Variants in PIGK observed in about 807,000 individuals in gnomAD.
PIGK encodes the protein GPI-anchor transamidase.
PIGK carries 42 observed loss-of-function variants against 50.6 expected under a neutral mutation model. The ratio of observed to expected loss-of-function variants is 0.83; its 90% confidence interval spans 0.65 to 1.07. The LOEUF is 1.07. Among genes scored for constraint, PIGK ranks in the 50% least tolerant of loss-of-function variants. The probability of loss-of-function intolerance (pLI) is 0.00; values close to 1 mark genes in which losing one functional copy is unlikely to be tolerated. For synonymous variants in PIGK, 151 were observed against 156.0 expected (o/e 0.97, Z 0.24); for missense variants, 448 against 488.7 (o/e 0.92, Z 0.78).
intron 3 of PIGK, among the ~76,000 whole-genome samples, chr1:77,170,362 C>T (rs1655332457): frequency 6.6e-6 from 1 of 152,184 alleles, no homozygotes; most frequent in African/African-American, 2.4e-5. Flanking sequence ...TAGAATATGC[C>T]AAGCCTTTCC....
Position 77,092,090 on chromosome 1 carries a change from TA to T in PIGK, c.*283del, listed in dbSNP as rs1191553028. 1 of 175,646 alleles carries T rather than the reference TA, an allele frequency of 5.7e-6. No homozygotes were observed. The highest frequency in any genetic ancestry group is 1.2e-5 in the Non-Finnish European group (1 of 84,318). The allele number at this position is 175,646 out of a possible 1,614,324, so 10.9% of individuals were successfully genotyped here. A position where few individuals can be genotyped will look rare whatever the true frequency, so the allele number is the denominator to read the frequency against. ...GTTTCTTTTCCAAATGAAAAGGGGATAAGGGGAAATTACTATTTTCAAAAAC... is the reference window on the plus strand; with the variant it reads ...GTTTCTTTTCCAAATGAAAAGGGGATAGGGGAAATTACTATTTTCAAAAAC... On this transcript the variant is annotated 3_prime_UTR_variant, in exon 11 of 11. Coordinates refer to ENST00000370812, the MANE Select transcript of PIGK (RefSeq NM_005482.3).
chr1:77,199,335 A>G (rs899503139), intron 3 of PIGK, among the ~76,000 whole-genome samples: 2 of 152,098 alleles, frequency 1.3e-5, no homozygotes, highest in Admixed American at 6.6e-5. Flanking sequence ...TTCAGAATAC[A>G]TAAGTATACT....
chr1:77,206,946 C>A (rs1255408036), intron 2 of PIGK, among the ~76,000 whole-genome samples: 1 of 152,138 alleles, frequency 6.6e-6, no homozygotes, highest in Non-Finnish European at 1.5e-5. Flanking sequence ...GCGGGAAGAT[C>A]ACTTGGGTCC....
intron 9 of PIGK, among the ~76,000 whole-genome samples, chr1:77,128,249 A>C (rs559271580): frequency 6.6e-6 from 1 of 152,354 alleles, no homozygotes; most frequent in African/African-American, 2.4e-5. Context: ...ACTTTAAAGA[A>C]GCACAAGAAA....
At chr1:77,161,472 A>C in intron 7 of PIGK, 67 bp from the exon 8 acceptor site, 1 of 1,068,870 alleles carries the variant, frequency 9.4e-7, no homozygotes, top group Non-Finnish European at 1.5e-6. Flanking sequence ...AAATGTAACC[A>C]AAATTTCCTT....
At chr1:77,191,712 T>A (rs928870954) in intron 3 of PIGK, among the ~76,000 whole-genome samples, 2 of 152,242 alleles carry the variant, frequency 1.3e-5, no homozygotes, top group Non-Finnish European at 2.9e-5. Flanking sequence ...GAGCCATCAC[T>A]TTTATCATTT....
chr1:77,178,961 A>G (rs1721140), intron 3 of PIGK, among the ~76,000 whole-genome samples: 26,947 of 152,176 alleles, frequency 0.18, 4,110 homozygotes, highest in African/African-American at 0.42. Context: ...CTGACTAAAA[A>G]GGGGAAATTT....
chr1:77,119,883 ATTTATCTATACGTTATCTATC>A (rs1654056326), intron 10 of PIGK, among the ~76,000 whole-genome samples: 2 of 59,982 alleles, frequency 3.3e-5, no homozygotes, highest in African/African-American at 4.1e-4. Flanking sequence ...TTATCTATCC[ATTTATCTATACGTTATCTATC>A]CATTTAGAGA....
chr1:77,200,594 A>G (rs977248172), intron 3 of PIGK, among the ~76,000 whole-genome samples: 8 of 152,112 alleles, frequency 5.3e-5, no homozygotes, highest in African/African-American at 1.7e-4. Flanking sequence ...TTGTAGTAAT[A>G]TCTATAGATT....
At chr1:77,151,078 A>G (rs552759306) in intron 9 of PIGK, among the ~76,000 whole-genome samples, 1 of 152,242 alleles carries the variant, frequency 6.6e-6, no homozygotes, top group Non-Finnish European at 1.5e-5. Context: ...TCTGATGAAC[A>G]TAAATGCAGA....
chr1:77,112,171 T>C (rs1241242049), intron 10 of PIGK, among the ~76,000 whole-genome samples: 1 of 147,658 alleles, frequency 6.8e-6, no homozygotes, highest in Non-Finnish European at 1.5e-5. Context: ...AAGATATTGA[T>C]TCCTTTTATA....
rs1027241775 is a variant in PIGK, at chr1:77,161,423, A to C, written c.703-18T>G. ...GGTTGATGCTATGGAAAGGGGGAAA[A>C]AAAGTATTTCTAACAGTATCATTAT... On this transcript the variant is annotated intron_variant, in intron 7 of 10. Coordinates refer to ENST00000370812, the MANE Select transcript of PIGK (RefSeq NM_005482.3). 4 of 1,340,032 alleles carry C rather than the reference A, an allele frequency of 3.0e-6. No individual in the cohort carries two copies. The highest frequency in any genetic ancestry group is 2.9e-5 in the African/African-American group (2 of 69,396). 83.0% of individuals were successfully genotyped at this position (1,340,032 alleles called of 1,614,324 possible).
chr1:77,177,745 G>A (rs186096866), intron 3 of PIGK, among the ~76,000 whole-genome samples: 32 of 152,212 alleles, frequency 2.1e-4, no homozygotes, highest in African/African-American at 7.5e-4. Context: ...GCACCCTTCT[G>A]TCTAGAACCC....
chr1:77,149,062 C>T (rs964576465), intron 9 of PIGK, among the ~76,000 whole-genome samples: 1 of 151,902 alleles, frequency 6.6e-6, no homozygotes, highest in Non-Finnish European at 1.5e-5. Context: ...TTTAATGAAC[C>T]TAATGGTAAC....
At chr1:77,153,649 G>T (rs1654943148) in intron 9 of PIGK, 1 of 151,750 alleles carries the variant, frequency 6.6e-6, no homozygotes, top group South Asian at 2.1e-4. Flanking sequence ...AAAAGAAACT[G>T]TTGTAACTAG....
chr1:77,196,823 T>C (rs1656049396), intron 3 of PIGK, among the ~76,000 whole-genome samples: 1 of 152,232 alleles, frequency 6.6e-6, no homozygotes, highest in Admixed American at 6.5e-5. Context: ...TTATTTTAAT[T>C]AGGTACAACC....
chr1:77,134,063 G>A (rs932735680), intron 9 of PIGK, among the ~76,000 whole-genome samples: 1 of 152,190 alleles, frequency 6.6e-6, no homozygotes, highest in East Asian at 1.9e-4. Context: ...CAGCCATGAT[G>A]ATATGTAAAT....
chr1:77,135,475 G>A (rs183935089), intron 9 of PIGK, among the ~76,000 whole-genome samples: 2 of 151,950 alleles, frequency 1.3e-5, no homozygotes, highest in African/African-American at 2.4e-5. Context: ...AGCAGTAGTT[G>A]CCTGTAATCC....
chr1:77,134,661 T>C (rs1654458020), intron 9 of PIGK, among the ~76,000 whole-genome samples: 1 of 152,006 alleles, frequency 6.6e-6, no homozygotes, highest in Non-Finnish European at 1.5e-5. Flanking sequence ...TTTCCCCAAA[T>C]CTAGATTTTT....
Sources: allele counts gnomAD v4.1 joint callset (sites outside exome capture counted in the v4.1 genomes callset), GRCh38; gene constraint gnomAD v4.1.1; transcripts MANE v1.5; gene names NCBI Gene and HGNC (gene_info 2026-07-23, HGNC 2026-07-21).